Variants in TMX2 observed in about 807,000 individuals in gnomAD.
The protein encoded by TMX2 is thioredoxin related transmembrane protein 2, also known as thioredoxin-related transmembrane protein 2.
A neutral mutation model predicts 33.4 loss-of-function variants in TMX2; 20 were observed. That is an observed-to-expected ratio of 0.60 (90% CI 0.42 to 0.87). The LOEUF (loss-of-function observed/expected upper bound fraction) is 0.87, where lower values mean the gene tolerates loss of function less well. TMX2 is among the 40% of genes least tolerant of loss of function. TMX2 has a pLI of 0.00. For synonymous variants in TMX2, 166 were observed against 140.7 expected, an observed-to-expected ratio of 1.18 and a Z score of -1.27; for missense variants, 340 against 370.7, an observed-to-expected ratio of 0.92 and a Z score of 0.68.
intron 1 of TMX2, among the ~76,000 whole-genome samples, chr11:57,718,947 G>A (rs1163772298): frequency 1.3e-5 from 2 of 150,620 alleles, no homozygotes; most frequent in Non-Finnish European, 2.9e-5. Flanking sequence ...GAGCCACCGC[G>A]CCCAGCCACA....
intron 1 of TMX2, among the ~76,000 whole-genome samples, chr11:57,736,463 C>G (rs950231428): frequency 7.2e-5 from 11 of 152,054 alleles, no homozygotes; most frequent in Non-Finnish European, 1.0e-4. Context: ...GAAGGTTGTT[C>G]TAGAAGGTGA....
At chr11:57,736,711 GACCCGGTCTCTACAAAAAATACAAA>G (rs1948774095) in intron 1 of TMX2, among the ~76,000 whole-genome samples, 1 of 151,814 alleles carries the variant, frequency 6.6e-6, no homozygotes, top group Non-Finnish European at 1.5e-5. Flanking sequence ...AACATGGGGA[GACCCGGTCTCTACAAAAAATACAAA>G]AATTAGCCAG....
At chr11:57,735,499 C>T (rs569318333) in intron 1 of TMX2, among the ~76,000 whole-genome samples, 21 of 152,276 alleles carry the variant, frequency 1.4e-4, no homozygotes, top group Non-Finnish European at 2.4e-4. Flanking sequence ...GCTTGAGCCA[C>T]AGCACCCGGC....
At chr11:57,713,027 CCCAACAGCT>C (rs1946730763) in intron 1 of TMX2, among the ~76,000 whole-genome samples, 1 of 152,208 alleles carries the variant, frequency 6.6e-6, no homozygotes, top group Admixed American at 6.5e-5. Context: ...TGCACAACGG[CCCAACAGCT>C]TTTGACTGTT....
chr11:57,716,057 C>T (rs571463609), intron 1 of TMX2, among the ~76,000 whole-genome samples: 15 of 152,316 alleles, frequency 9.8e-5, no homozygotes, highest in Middle Eastern at 3.4e-3. Flanking sequence ...TTCCACAAAA[C>T]CGCCATTGTC....
In TMX2 at chr11:57,737,900, C is replaced by A. The variant is rs373672489; in HGVS notation, c.251-13C>A. On this transcript the variant is annotated splice_polypyrimidine_tract_variant and intron_variant, in intron 2 of 7. Coordinates refer to ENST00000278422, the MANE Select transcript of TMX2 (RefSeq NM_015959.4). Reference sequence around the variant, plus strand: ...CACAGCCCAGCCTGACCTGTGACATCTCTGTGTTTCAGTCACTGTGGAGCA... The same window carrying A: ...CACAGCCCAGCCTGACCTGTGACATATCTGTGTTTCAGTCACTGTGGAGCA... 1 of 1,614,082 alleles carries A rather than the reference C, an allele frequency of 6.2e-7. No individual in the cohort carries two copies. The highest frequency in any genetic ancestry group is 1.3e-5 in the African/African-American group (1 of 74,932).
chr11:57,717,987 A>G (rs1947296346), intron 1 of TMX2: 4 of 768,622 alleles, frequency 5.2e-6, no homozygotes, highest in Non-Finnish European at 7.0e-6. Context: ...CTCTCCTGAG[A>G]GGAGAGCACA....
At chr11:57,735,421 G>C (rs1416194621) in intron 1 of TMX2, among the ~76,000 whole-genome samples, 1 of 151,992 alleles carries the variant, frequency 6.6e-6, no homozygotes, top group African/African-American at 2.4e-5. Context: ...ATGTTGACCA[G>C]GCTGGTCTTG....
intron 1 of TMX2, among the ~76,000 whole-genome samples, chr11:57,715,586 C>CTTTTTTTTTTTTTTTTTTTTTTTTTTT (rs367827761): frequency 1.5e-5 from 2 of 130,112 alleles, no homozygotes; most frequent in African/African-American, 2.9e-5. Context: ...AATTTGTTTT[C>CTTTTTTTTTTTTTTTTTTTTTTTTTTT]TTTTTTTTTT....
chr11:57,719,033 AT>A (rs1191976911), intron 1 of TMX2, among the ~76,000 whole-genome samples: 3,304 of 70,268 alleles, frequency 0.047, 28 homozygotes, highest in East Asian at 0.082. Context: ...ATATATATAT[AT>A]TTTTTTTTTT....
intron 1 of TMX2, among the ~76,000 whole-genome samples, chr11:57,727,057 T>C (rs1304126361): frequency 6.6e-6 from 1 of 152,182 alleles, no homozygotes; most frequent in Non-Finnish European, 1.5e-5. Flanking sequence ...TGTTATTATA[T>C]TAGCATTAGG....
intron 1 of TMX2, among the ~76,000 whole-genome samples, chr11:57,722,842 G>A (rs1401041834): frequency 6.6e-6 from 1 of 152,220 alleles, no homozygotes; most frequent in Non-Finnish European, 1.5e-5. Flanking sequence ...CTGGGGTGCA[G>A]TGGCACAAGC....
chr11:57,729,423 C>A (rs1457627907), intron 1 of TMX2, among the ~76,000 whole-genome samples: 1 of 152,054 alleles, frequency 6.6e-6, no homozygotes, highest in African/African-American at 2.4e-5. Context: ...GTATTTGTCT[C>A]ATGGCAAAAG....
At chr11:57,716,347 A>C (rs1590901359) in intron 1 of TMX2, among the ~76,000 whole-genome samples, 1 of 87,746 alleles carries the variant, frequency 1.1e-5, no homozygotes, top group Non-Finnish European at 2.3e-5. Context: ...CGGGGGGCTG[A>C]CCCCCACACC....
intron 1 of TMX2, among the ~76,000 whole-genome samples, chr11:57,732,147 G>C (rs1281092042): frequency 6.6e-6 from 1 of 152,152 alleles, no homozygotes; most frequent in Admixed American, 6.5e-5. Flanking sequence ...CGTGTGCGTT[G>C]ATAAATTTTT....
chr11:57,728,368 G>A (rs1948138073), intron 1 of TMX2, among the ~76,000 whole-genome samples: 1 of 152,026 alleles, frequency 6.6e-6, no homozygotes. Flanking sequence ...TTCACTGTGA[G>A]TTTGACTCTT....
chr11:57,738,390 G>A lies in TMX2; in HGVS notation c.401G>A (p.Gly134Asp). 1.9e-6 allele frequency: 3 copies of A among 1,612,316 alleles called. No individual in the cohort carries two copies. Among genetic ancestry groups the A allele is most frequent in the Non-Finnish European group, 2.5e-6 (3 of 1,178,514 alleles). Reference protein sequence around the residue: ...LMTCKPPLYMGPEYIKYFNDK... With the variant: ...LMTCKPPLYMDPEYIKYFNDK... ...ACGTGCAAACCCCCCCTATATATGGGCCCTGAGTATATCAAGTACTTCAAT... is the reference window on the plus strand; with the variant it reads ...ACGTGCAAACCCCCCCTATATATGGACCCTGAGTATATCAAGTACTTCAAT... The change falls in exon 4 of 8, where the codon GGC becomes GAC. Residue 134 changes from glycine to aspartate, a missense_variant. Gly to Asp is a moderately conservative substitution (Grantham distance 94). Coordinates refer to ENST00000278422, the MANE Select transcript of TMX2 (RefSeq NM_015959.4).
At chr11:57,718,400 C>A in intron 1 of TMX2, 2 of 1,416,168 alleles carry the variant, frequency 1.4e-6, no homozygotes, top group East Asian at 4.7e-5. Context: ...ACAACCAAAT[C>A]CTTTTTGTCC....
rs1590887215 is a variant in TMX2, at chr11:57,712,633, A to G, written c.15A>G (p.Ala5=). ...CGGCCGAAAAGATGGCGGTCTTGGC[A>G]CCTCTAATTGCTCTCGTGTATTCGG... MAVL[A]PLIALVYSVP... The change falls in exon 1 of 8, where the codon GCA becomes GCG. Residue 5 remains alanine (A), a synonymous_variant. Coordinates refer to ENST00000278422, the MANE Select transcript of TMX2 (RefSeq NM_015959.4). 6.2e-7 allele frequency: 1 copy of G among 1,613,364 alleles called. No homozygotes were observed. Among genetic ancestry groups the G allele is most frequent in the South Asian group, 1.1e-5 (1 of 90,984 alleles).
Sources: gnomAD v4.1 joint callset for allele counts (sites outside exome capture counted in the v4.1 genomes callset) on GRCh38, gnomAD v4.1.1 for gene constraint, MANE v1.5 for transcripts, NCBI Gene and HGNC (gene_info 2026-07-23, HGNC 2026-07-21) for gene names.